The following CENPP variants were observed in gnomAD, a reference collection of about 807,000 sequenced individuals.
CENPP encodes centromere protein P.
A neutral mutation model predicts 35.6 loss-of-function variants in CENPP; 24 were observed. The ratio of observed to expected loss-of-function variants is 0.67; its 90% CI spans 0.49 to 0.95. The LOEUF (loss-of-function observed/expected upper bound fraction) is 0.95, where lower values mean the gene tolerates loss of function less well. CENPP is among the 40% of genes least tolerant of loss of function. CENPP has a pLI of 0.00. For synonymous variants in CENPP, 120 were observed against 125.5 expected (o/e 0.96, Z 0.29); for missense variants, 332 against 345.3 (o/e 0.96, Z 0.31).
intron 5 of CENPP, 112 bp downstream of exon 5, chr9:92,379,971 T>C (rs898378764): frequency 4.4e-6 from 3 of 678,848 alleles, no homozygotes; most frequent in African/African-American, 1.8e-5. Context: ...TAGAAAATAT[T>C]CTCATTGACT....
chr9:92,600,745 T>C (rs1030895975), intron 5 of CENPP, among the ~76,000 whole-genome samples: 1 of 152,218 alleles, frequency 6.6e-6, no homozygotes, highest in Admixed American at 6.5e-5. Context: ...TAGAGAGGCT[T>C]TTCTGGTTGT....
intron 5 of CENPP, among the ~76,000 whole-genome samples, chr9:92,469,810 T>C (rs1425907067): frequency 6.6e-6 from 1 of 152,132 alleles, no homozygotes; most frequent in Non-Finnish European, 1.5e-5. Context: ...CAAACCCAAT[T>C]TCAGACTAAA....
chr9:92,369,939 A>G (rs566590414), intron 4 of CENPP, among the ~76,000 whole-genome samples: 1 of 152,134 alleles, frequency 6.6e-6, no homozygotes, highest in Non-Finnish European at 1.5e-5. Flanking sequence ...GTTCAGTATG[A>G]TGTTACCTTG....
At chr9:92,548,300 C>A (rs763858189) in intron 5 of CENPP, among the ~76,000 whole-genome samples, 20 of 152,276 alleles carry the variant, frequency 1.3e-4, no homozygotes, top group Non-Finnish European at 2.4e-4. Flanking sequence ...CAAAGAAGAT[C>A]AGACAGTAAA....
chr9:92,457,111 A>G, intron 5 of CENPP: 1 of 1,407,206 alleles, frequency 7.1e-7, no homozygotes, highest in Non-Finnish European at 9.2e-7. Flanking sequence ...CTTATGTATC[A>G]ATAGTTTGGC....
chr9:92,415,130 T>G (rs1843550874), intron 5 of CENPP: 1 of 1,564,076 alleles, frequency 6.4e-7, no homozygotes, highest in Non-Finnish European at 8.7e-7. Context: ...AAGTCGTAAG[T>G]GTATACCTAT....
chr9:92,471,198 T>C (rs77884224), intron 5 of CENPP, among the ~76,000 whole-genome samples: 9 of 151,318 alleles, frequency 5.9e-5, no homozygotes, highest in Non-Finnish European at 4.4e-5. Flanking sequence ...AATTTTTCTT[T>C]CTTTTTTTTT....
chr9:92,551,398 C>T (rs1428032351), intron 5 of CENPP, among the ~76,000 whole-genome samples: 1 of 152,148 alleles, frequency 6.6e-6, no homozygotes, highest in Non-Finnish European at 1.5e-5. Context: ...ACTGTAGTGG[C>T]ACAACCATGG....
intron 5 of CENPP, chr9:92,505,553 C>T (rs1313714192): frequency 1.2e-6 from 2 of 1,600,750 alleles, no homozygotes; most frequent in Admixed American, 1.8e-5. Flanking sequence ...CCAGGAAGAC[C>T]CTGCGGTATA....
At chr9:92,354,406 A>G (rs1588053814) in intron 4 of CENPP, among the ~76,000 whole-genome samples, 1 of 152,084 alleles carries the variant, frequency 6.6e-6, no homozygotes. Flanking sequence ...GCCATGCGTA[A>G]CCTCCATCCC....
At chr9:92,517,555 G>T in intron 5 of CENPP, 1 of 1,199,126 alleles carries the variant, frequency 8.3e-7, no homozygotes, top group Non-Finnish European at 1.2e-6. Flanking sequence ...ATGTTAATCA[G>T]CATTTTGCCA....
intron 5 of CENPP, among the ~76,000 whole-genome samples, chr9:92,453,522 A>G (rs1041404198): frequency 1.3e-5 from 2 of 152,146 alleles, no homozygotes; most frequent in African/African-American, 4.8e-5. Context: ...ACTTCCAACT[A>G]TATGGTCAAT....
At chr9:92,397,735 G>C (rs937999507) in intron 5 of CENPP, among the ~76,000 whole-genome samples, 1 of 152,212 alleles carries the variant, frequency 6.6e-6, no homozygotes, top group African/African-American at 2.4e-5. Context: ...TTTCAGCAGA[G>C]AGAGCTAGGA....
rs766620835 is a variant in CENPP at position 92,505,514 on chromosome 9, TA to T, written c.565-105793del. On this transcript the variant is annotated intron_variant, in intron 5 of 7. Transcript: ENST00000375587. ...TTCAAATATAATACATTTAAAACACTAAAAAAATATATTGTTACCTCAATAG... is the reference window on the plus strand; with the variant it reads ...TTCAAATATAATACATTTAAAACACTAAAAAATATATTGTTACCTCAATAG... 11 of 1,567,078 alleles carry T rather than the reference TA, an allele frequency of 7.0e-6. No individual in the cohort carries two copies. The South Asian group carries it at 8.4e-5, about 12-fold the overall frequency.
Position 92,612,729 on chromosome 9 carries a change from T to G in CENPP, c.736+115T>G, listed in dbSNP as rs571801000. On this transcript the variant is annotated intron_variant, in intron 7 of 7. Transcript: ENST00000375587. ...AATCAAAAATTGGAAATCTCATTAA[T>G]GTACTTTGTCTATCAATTTTTAAAT... 384 of 783,912 alleles carry G rather than the reference T, an allele frequency of 4.9e-4. 3 individuals carry two copies. In the African/African-American group the frequency reaches 6.1e-3, roughly 12 times the overall value. 48.6% of individuals were successfully genotyped at this position (783,912 alleles called of 1,614,324 possible).
chr9:92,444,214 G>C (rs1844493621), intron 5 of CENPP, among the ~76,000 whole-genome samples: 3 of 152,194 alleles, frequency 2.0e-5, no homozygotes, highest in African/African-American at 7.2e-5. Context: ...TTCATACAGT[G>C]AGTATGAAAT....
intron 5 of CENPP, among the ~76,000 whole-genome samples, chr9:92,450,899 G>C (rs1844688975): frequency 6.6e-6 from 1 of 152,154 alleles, no homozygotes; most frequent in Admixed American, 6.6e-5. Flanking sequence ...GTCTTCTTTT[G>C]AGAAGTGTCT....
chr9:92,512,072 T>C, intron 5 of CENPP: 1 of 1,613,924 alleles, frequency 6.2e-7, no homozygotes, highest in Non-Finnish European at 8.5e-7. Flanking sequence ...ATCAAGCCTT[T>C]CCAAATTTGG....
intron 5 of CENPP, among the ~76,000 whole-genome samples, chr9:92,428,426 A>G (rs1409290689): frequency 6.6e-6 from 1 of 152,166 alleles, no homozygotes; most frequent in African/African-American, 2.4e-5. Flanking sequence ...GGGCCCAGGA[A>G]CTTCCATTTT....
Sources: allele counts gnomAD v4.1 joint callset (sites outside exome capture counted in the v4.1 genomes callset), GRCh38; gene constraint gnomAD v4.1.1; transcripts MANE v1.5; gene names NCBI Gene and HGNC (gene_info 2026-07-23, HGNC 2026-07-21).